DIPK2A: variants seen among roughly 807,000 people sequenced by gnomAD.
The protein encoded by DIPK2A is divergent protein kinase domain 2A.
In DIPK2A, 27 loss-of-function variants were observed where a neutral mutation model predicts 39.0. The observed-to-expected ratio is 0.69, with a 90% confidence interval of 0.51 to 0.96. DIPK2A has a LOEUF of 0.96. Ranked by LOEUF, DIPK2A falls within the 40% of genes least tolerant of loss-of-function variation. The pLI is 0.00. For synonymous variants in DIPK2A, 298 were observed against 240.8 expected (o/e 1.24, Z -2.20); for missense variants, 528 against 571.3 (o/e 0.92, Z 0.77).
intron 1 of DIPK2A, among the ~76,000 whole-genome samples, chr3:143,974,333 G>A (rs764247719): frequency 6.6e-6 from 1 of 152,178 alleles, no homozygotes; most frequent in Non-Finnish European, 1.5e-5. Context: ...CAGAGGCTAT[G>A]TGTATTGGGT....
intron 1 of DIPK2A, among the ~76,000 whole-genome samples, chr3:143,974,295 G>T (rs1007074336): frequency 6.6e-6 from 1 of 152,150 alleles, no homozygotes; most frequent in African/African-American, 2.4e-5. Context: ...TGAAACTTTA[G>T]TGTGGGTCTT....
chr3:143,988,653 A>C (rs2087940648), intron 2 of DIPK2A, among the ~76,000 whole-genome samples: 1 of 152,142 alleles, frequency 6.6e-6, no homozygotes, highest in Admixed American at 6.5e-5. Flanking sequence ...TTACCTCAAA[A>C]TCATAAGTTT....
chr3:143,983,424 CA>C (rs1251747674), intron 1 of DIPK2A, among the ~76,000 whole-genome samples: 1 of 152,154 alleles, frequency 6.6e-6, no homozygotes, highest in Admixed American at 6.5e-5. Flanking sequence ...TGCACAACTA[CA>C]TGGAAACTGA....
rs3083098 is a variant in DIPK2A, at chr3:143,976,584, G to GAGAGAGAGAGAGAGAGAA, written c.657+3596_657+3597insGAGAGAGAGAGAGAGAAA. ...AGAGAGAGAGAGAGAGAGAGAGAGA[G>GAGAGAGAGAGAGAGAGAA]ATGCTGTCTGGATTTGTTGAAGTTC... On this transcript the variant is annotated intron_variant, in intron 1 of 2. Coordinates refer to ENST00000315691, the MANE Select transcript of DIPK2A (RefSeq NM_173552.5). 6.7e-3 allele frequency among the ~76,000 whole-genome samples: 930 copies of GAGAGAGAGAGAGAGAGAA among 139,516 alleles called. 21 individuals carry two copies. The highest frequency in any genetic ancestry group is 0.02 in the African/African-American group (706 of 35,320). 91.5% of individuals were successfully genotyped at this position (139,516 alleles called of 152,430 possible). A position where few individuals can be genotyped will look rare whatever the true frequency, so the allele number is the denominator to read the frequency against.
intron 1 of DIPK2A, among the ~76,000 whole-genome samples, chr3:143,983,693 G>C (rs1238852541): frequency 2.0e-5 from 3 of 152,092 alleles, no homozygotes; most frequent in Admixed American, 6.5e-5. Context: ...CAGAAGACAA[G>C]AAATAACTAA....
In DIPK2A at chr3:143,972,067, C is replaced by T. The variant is rs2087654612; in HGVS notation, c.-266C>T. The stretch of plus-strand genomic sequence containing the variant: ...TATAACTTGGCTGGCGTGGAGGAGG[C>T]GCCGCCGGAGTCGGAGGGCGGGGAG... On this transcript the variant is annotated 5_prime_UTR_variant, in exon 1 of 3. Coordinates refer to ENST00000315691, the MANE Select transcript of DIPK2A (RefSeq NM_173552.5). 8.0e-6 allele frequency: 3 copies of T among 374,416 alleles called. No individual in the cohort carries two copies. Among genetic ancestry groups the T allele is most frequent in the Non-Finnish European group, 9.5e-6 (2 of 211,274 alleles). The allele number at this position is 374,416 out of a possible 1,614,324, so 23.2% of individuals were successfully genotyped here. A position where few individuals can be genotyped will look rare whatever the true frequency, so the allele number is the denominator to read the frequency against.
rs1208169848 is a variant in DIPK2A at position 143,972,058 on chromosome 3, T to TGGA, written c.-269_-267dup. 2.8e-6 allele frequency: 1 copy of TGGA among 362,510 alleles called. No individual in the cohort carries two copies. The highest frequency in any genetic ancestry group is 4.9e-6 in the Non-Finnish European group (1 of 203,636). 22.5% of individuals were successfully genotyped at this position (362,510 alleles called of 1,614,324 possible). A position where few individuals can be genotyped will look rare whatever the true frequency, so the allele number is the denominator to read the frequency against. On this transcript the variant is annotated 5_prime_UTR_variant, in exon 1 of 3. Coordinates refer to ENST00000315691, the MANE Select transcript of DIPK2A (RefSeq NM_173552.5). ...CCGCTCCTCTATAACTTGGCTGGCG[T>TGGA]GGAGGAGGCGCCGCCGGAGTCGGAG...
rs1328852848 is a variant in DIPK2A, at chr3:143,972,035, G to T, written c.-298G>T. The stretch of plus-strand genomic sequence containing the variant: ...GGTCCCCGCGCTCCCTCCCCCTCCC[G>T]CTCCTCTATAACTTGGCTGGCGTGG... On this transcript the variant is annotated 5_prime_UTR_variant, in exon 1 of 3. Transcript: ENST00000315691. The T allele has an allele frequency of 1.2e-5, 4 of 339,692 alleles. No individual in the cohort carries two copies. Among genetic ancestry groups the T allele is most frequent in the African/African-American group, 2.1e-5 (1 of 47,328 alleles). The allele number at this position is 339,692 out of a possible 1,614,324, so 21.0% of individuals were successfully genotyped here.
rs751543229 is a variant in DIPK2A, at chr3:143,972,918, A to G, written c.586A>G (p.Asn196Asp). 3.1e-6 allele frequency: 5 copies of G among 1,589,436 alleles called. No homozygotes were observed. The highest frequency in any genetic ancestry group is 4.3e-6 in the Non-Finnish European group (5 of 1,170,116). ...TKDSGSFLLR[N>D]LKDSERMQLL... Reference sequence around the variant, plus strand: ...GGACTCGGGCAGCTTCCTGCTTCGCAACCTCAAGGACTCGGAGCGCATGCA... The same window carrying G: ...GGACTCGGGCAGCTTCCTGCTTCGCGACCTCAAGGACTCGGAGCGCATGCA... Residue 196 changes from asparagine to aspartate, a missense_variant, in exon 1 of 3, where the codon AAC (asparagine) becomes GAC (aspartate). By Grantham distance (23) the Asn-to-Asp change is conservative. Coordinates refer to ENST00000315691, the MANE Select transcript of DIPK2A (RefSeq NM_173552.5).
At chr3:143,973,194 T>A in intron 1 of DIPK2A, 1 of 1,007,238 alleles carries the variant, frequency 9.9e-7, no homozygotes, top group African/African-American at 1.6e-5. Context: ...GAGAGTCTGC[T>A]CTTGTTACCT....
Position 143,972,070 on chromosome 3 carries a change from C to A in DIPK2A, c.-263C>A. The A allele has an allele frequency of 2.6e-6, 1 of 378,280 alleles. No individual in the cohort carries two copies. 23.4% of individuals were successfully genotyped at this position (378,280 alleles called of 1,614,324 possible). A position where few individuals can be genotyped will look rare whatever the true frequency, so the allele number is the denominator to read the frequency against. On this transcript the variant is annotated 5_prime_UTR_variant, in exon 1 of 3. Coordinates refer to ENST00000315691, the MANE Select transcript of DIPK2A (RefSeq NM_173552.5). Reference sequence around the variant, plus strand: ...AACTTGGCTGGCGTGGAGGAGGCGCCGCCGGAGTCGGAGGGCGGGGAGCTA... The same window carrying A: ...AACTTGGCTGGCGTGGAGGAGGCGCAGCCGGAGTCGGAGGGCGGGGAGCTA...
At chr3:143,988,683 A>G (rs1016436831) in intron 2 of DIPK2A, among the ~76,000 whole-genome samples, 2 of 152,200 alleles carry the variant, frequency 1.3e-5, no homozygotes, top group African/African-American at 4.8e-5. Context: ...TTCTAGTTGT[A>G]CATATGACAT....
intron 1 of DIPK2A, chr3:143,978,616 C>CTATATCTATATATATA (rs2087767985): frequency 1.6e-5 from 2 of 126,122 alleles, no homozygotes; most frequent in African/African-American, 2.9e-5. Flanking sequence ...ATATATATAT[C>CTATATCTATATATATA]TATATCTATA....
intron 2 of DIPK2A, among the ~76,000 whole-genome samples, chr3:143,989,003 G>A (rs959654249): frequency 9.9e-5 from 15 of 152,080 alleles, no homozygotes; most frequent in Non-Finnish European, 1.3e-4. Context: ...TGCCAACTAC[G>A]TTTCTCACAC....
intron 2 of DIPK2A, among the ~76,000 whole-genome samples, chr3:143,987,875 G>A (rs1374229715): frequency 1.3e-5 from 2 of 152,100 alleles, no homozygotes; most frequent in African/African-American, 4.8e-5. Context: ...CCACCTAATT[G>A]GCAAATTTGT....
intron 1 of DIPK2A, among the ~76,000 whole-genome samples, chr3:143,983,113 C>T (rs2087848334): frequency 6.6e-6 from 1 of 152,026 alleles, no homozygotes; most frequent in African/African-American, 2.4e-5. Context: ...ACTTAGACTC[C>T]CACACAATAA....
Position 143,989,737 on chromosome 3 carries a change from G to A in DIPK2A, c.1189G>A (p.Ala397Thr). ...SEIAKDGRLE[A>T]LLDECANPKK... The stretch of plus-strand genomic sequence containing the variant: ...AATTGCCAAAGATGGCCGGCTCGAG[G>A]CCTTGCTGGATGAGTGTGCCAACCC... The change falls in exon 3 of 3, where the codon GCC becomes ACC. Residue 397 changes from alanine (A) to threonine (T), a missense_variant. Physicochemically the swap from Ala to Thr is moderately conservative, Grantham distance 58 (BLOSUM62 0). This residue lies in a region of DIPK2A where 219 missense variants were observed against 281.5 expected (regional missense o/e 0.78). Transcript: ENST00000315691. The A allele has an allele frequency of 1.9e-6, 3 of 1,614,234 alleles. No individual in the cohort carries two copies. Among genetic ancestry groups the A allele is most frequent in the Non-Finnish European group, 2.5e-6 (3 of 1,180,048 alleles).
intron 1 of DIPK2A, among the ~76,000 whole-genome samples, chr3:143,977,548 C>T (rs2087748574): frequency 6.6e-6 from 1 of 152,062 alleles, no homozygotes; most frequent in African/African-American, 2.4e-5. Flanking sequence ...GTGTGCAAAA[C>T]GATGTTCCAG....
In DIPK2A at chr3:143,991,367, T is replaced by C. The variant is rs1310718075; in HGVS notation, c.*1526T>C. 1 of 152,644 alleles carries C rather than the reference T, an allele frequency of 6.6e-6. No individual in the cohort carries two copies. The highest frequency in any genetic ancestry group is 1.5e-5 in the Non-Finnish European group (1 of 68,016). 9.5% of individuals were successfully genotyped at this position (152,644 alleles called of 1,614,324 possible). On this transcript the variant is annotated 3_prime_UTR_variant, in exon 3 of 3. Transcript: ENST00000315691. ...CTAGCTGCTACATACTGTCTGAACA[T>C]GACATACGGTTAAGTAACTTTACAA...
Sources: gnomAD v4.1 joint callset for allele counts (sites outside exome capture counted in the v4.1 genomes callset) on GRCh38, gnomAD v4.1.1 for gene constraint, gnomAD v4.1.1 regional missense constraint, MANE v1.5 for transcripts, NCBI Gene and HGNC (gene_info 2026-07-23, HGNC 2026-07-21) for gene names.